PHYKPL: variants seen among roughly 807,000 people sequenced by gnomAD.
PHYKPL encodes the protein 5-phosphohydroxy-L-lysine phospho-lyase, also known as 5-phosphonooxy-L-lysine phospho-lyase.
A neutral mutation model predicts 51.3 loss-of-function variants in PHYKPL; 42 were observed. The ratio of observed to expected loss-of-function variants is 0.82; its 90% CI spans 0.64 to 1.06. PHYKPL has a LOEUF of 1.06. Ranked by LOEUF, PHYKPL falls within the 50% of genes least tolerant of loss-of-function variation. The probability of loss-of-function intolerance (pLI) is 0.00; values close to 1 mark genes in which losing one functional copy is unlikely to be tolerated. For missense variants in PHYKPL, 655 were observed against 586.6 expected (o/e 1.12, Z -1.20); for synonymous variants, 264 against 236.0 (o/e 1.12, Z -1.09).
intron 8 of PHYKPL, among the ~76,000 whole-genome samples, chr5:178,218,155 T>G (rs1422253272): frequency 8.8e-6 from 1 of 114,142 alleles, no homozygotes; most frequent in Admixed American, 1.1e-4. Context: ...AGGCGGAGCT[T>G]GCAGTGAGTC....
intron 8 of PHYKPL, among the ~76,000 whole-genome samples, chr5:178,217,416 T>G (rs1760033599): frequency 6.6e-6 from 1 of 151,870 alleles, no homozygotes; most frequent in Non-Finnish European, 1.5e-5. Flanking sequence ...AGACGGAGTT[T>G]CACTGTGTTG....
chr5:178,207,976 C>T (rs1028309933), downstream of PHYKPL, among the ~76,000 whole-genome samples: 4 of 152,156 alleles, frequency 2.6e-5, no homozygotes, highest in African/African-American at 9.7e-5. Context: ...CTCACTTGGT[C>T]TTCTGGGCAC....
rs1372776967 is a variant in PHYKPL at position 178,208,536 on chromosome 5, A to G, written c.*411T>C. ...TATTTTTAATTTAGTAGGATAGAAT[A>G]TATCAGATTGCATTATTTTAATTTG... is the stretch of plus-strand genomic sequence containing the variant. On this transcript the variant is annotated 3_prime_UTR_variant, in exon 13 of 13. Coordinates refer to ENST00000308158, the MANE Select transcript of PHYKPL (RefSeq NM_153373.4). 6.6e-6 allele frequency: 1 copy of G among 152,252 alleles called. No homozygotes were observed. The highest frequency in any genetic ancestry group is 1.5e-5 in the Non-Finnish European group (1 of 68,048). 9.4% of individuals were successfully genotyped at this position (152,252 alleles called of 1,614,324 possible). A position where few individuals can be genotyped will look rare whatever the true frequency, so the allele number is the denominator to read the frequency against.
chr5:178,224,719 C>T lies in PHYKPL; in HGVS notation c.424G>A (p.Gly142Ser), dbSNP rs760496828. 17 of 1,613,644 alleles carry T rather than the reference C, an allele frequency of 1.1e-5. No homozygotes were observed. The highest frequency in any genetic ancestry group is 2.7e-5 in the African/African-American group (2 of 74,918). Residue 142 changes from glycine (G) to serine (S), a missense_variant, in exon 5 of 13, where the codon GGC (glycine) becomes AGC (serine). Gly to Ser is a moderately conservative substitution (Grantham distance 56). Coordinates refer to ENST00000308158, the MANE Select transcript of PHYKPL (RefSeq NM_153373.4). ...ATGTCAATCAGGGAGCTCAGGTGGC[C>T]GTGATACGCACTGGGGAGGAGAAGG... ...DVVVLDHAYH[G>S]HLSSLIDISP...
intron 3 of PHYKPL, 159 bp downstream of exon 3, chr5:178,229,781 A>C (rs1363384764): frequency 6.3e-6 from 5 of 791,304 alleles, no homozygotes; most frequent in Non-Finnish European, 7.7e-6. Context: ...CAACAGAGAA[A>C]GCATCAGGGC....
intron 12 of PHYKPL, among the ~76,000 whole-genome samples, chr5:178,209,657 G>C (rs889471034): frequency 6.6e-6 from 1 of 152,142 alleles, no homozygotes; most frequent in Non-Finnish European, 1.5e-5. Flanking sequence ...TGGGTGCCCA[G>C]GGCAGAGAGA....
chr5:178,224,281 C>A, intron 6 of PHYKPL, 167 bp downstream of exon 6: 1 of 738,294 alleles, frequency 1.4e-6, no homozygotes, highest in Non-Finnish European at 2.2e-6. Context: ...CATGCTAGGC[C>A]GTGCACTCAG....
At chr5:178,224,757 G>T in intron 4 of PHYKPL, 28 bp from the exon 5 acceptor site, 1 of 1,579,696 alleles carries the variant, frequency 6.3e-7, no homozygotes, top group East Asian at 2.2e-5. Context: ...GGGTAGGCTC[G>T]GGTCCGGGCA....
intron 6 of PHYKPL, chr5:178,223,312 G>A: frequency 2.2e-6 from 1 of 454,278 alleles, no homozygotes; most frequent in Non-Finnish European, 4.4e-6. Context: ...CCCTCTGCCT[G>A]GACATGCCTG....
chr5:178,231,789 C>CAT (rs1197312868), intron 1 of PHYKPL: 1 of 1,428,820 alleles, frequency 7.0e-7, no homozygotes, highest in Non-Finnish European at 9.4e-7. Flanking sequence ...CTCATTTCTG[C>CAT]ATGTGTCCGC....
intron 3 of PHYKPL, among the ~76,000 whole-genome samples, chr5:178,227,390 T>C (rs1438649194): frequency 6.6e-6 from 1 of 152,218 alleles, no homozygotes; most frequent in Non-Finnish European, 1.5e-5. Context: ...TTTAAGCCAC[T>C]CAGTCTCTGG....
chr5:178,232,459 G>C lies in PHYKPL; in HGVS notation c.59+33C>G, dbSNP rs1465934357. On this transcript the variant is annotated intron_variant, in intron 1 of 12. Coordinates refer to ENST00000308158, the MANE Select transcript of PHYKPL (RefSeq NM_153373.4). ...TGCGCGTGCCTCTCCGCGCAGCCCC[G>C]CGCCCCCCGCCGCCCGCCCCCCGCC... 3 of 1,373,020 alleles carry C rather than the reference G, an allele frequency of 2.2e-6. No homozygotes were observed. In the South Asian group the frequency reaches 5.0e-5, roughly 23 times the overall value. The allele number at this position is 1,373,020 out of a possible 1,614,324, so 85.1% of individuals were successfully genotyped here.
rs375057301 is a variant in PHYKPL, at chr5:178,211,872, G to A, written c.*31+18C>T. ...ACCCGCTGTGCATCTTCAAGAGTAA[G>A]AAGCAAGGCCCACTCACCTGGAGTA... is the stretch of plus-strand genomic sequence containing the variant. On this transcript the variant is annotated intron_variant, in intron 12 of 12. Transcript: ENST00000308158. 6.3e-6 allele frequency: 10 copies of A among 1,589,498 alleles called. No individual in the cohort carries two copies. The highest frequency in any genetic ancestry group is 1.3e-5 in the African/African-American group (1 of 74,414).
At chr5:178,225,500 G>A (rs1762113490) in intron 3 of PHYKPL, 71 bp from the exon 4 acceptor site, 1 of 1,463,340 alleles carries the variant, frequency 6.8e-7, no homozygotes, top group Non-Finnish European at 9.6e-7. Context: ...GCTGAGGGCA[G>A]GAGGACCCTT....
At position 178,214,852 on chromosome 5, in the gene PHYKPL, G is replaced by C; in HGVS notation, c.1116C>G (p.Ile372Met). The change falls in exon 10 of 13, where the codon ATC becomes ATG. Residue 372 changes from isoleucine (I) to methionine (M), a missense_variant. Coordinates refer to ENST00000308158, the MANE Select transcript of PHYKPL (RefSeq NM_153373.4). ...CTGGTGTCCTTGTGGCCTCATCTTT[G>C]ATCAGATCCACACCAATGAAGAGCC... ...GVGLFIGVDL[I>M]KDEATRTPAT... 1.9e-6 allele frequency: 3 copies of C among 1,613,436 alleles called. No individual in the cohort carries two copies. Among genetic ancestry groups the C allele is most frequent in the Non-Finnish European group, 2.5e-6 (3 of 1,179,884 alleles).
chr5:178,231,050 C>T, intron 2 of PHYKPL: 1 of 208,934 alleles, frequency 4.8e-6, no homozygotes, highest in South Asian at 8.7e-5. Context: ...GCTCCCTTGC[C>T]TAGCACCTGA....
At chr5:178,219,991 T>G (rs1002263117) in intron 8 of PHYKPL, among the ~76,000 whole-genome samples, 2 of 149,200 alleles carry the variant, frequency 1.3e-5, no homozygotes, top group East Asian at 4.1e-4. Context: ...CTCAGGAGTT[T>G]GAGACCAGCC....
At chr5:178,229,720 C>T in intron 3 of PHYKPL, 1 of 505,672 alleles carries the variant, frequency 2.0e-6, no homozygotes, top group Non-Finnish European at 3.4e-6. Context: ...CAGCAATGAT[C>T]CTAGAAAGGA....
At chr5:178,211,570 G>A (rs1758429334) in intron 12 of PHYKPL, 1 of 270,770 alleles carries the variant, frequency 3.7e-6, no homozygotes, top group Non-Finnish European at 7.0e-6. Flanking sequence ...GGCAGGGGAT[G>A]TTTATTGGCT....
Sources: gnomAD v4.1 joint callset for allele counts (sites outside exome capture counted in the v4.1 genomes callset) on GRCh38, gnomAD v4.1.1 for gene constraint, MANE v1.5 for transcripts, NCBI Gene and HGNC (gene_info 2026-07-23, HGNC 2026-07-21) for gene names.